The following TTC7B variants were observed in gnomAD, a reference collection of about 807,000 sequenced individuals.
TTC7B encodes the protein tetratricopeptide repeat protein 7B.
A neutral mutation model predicts 106.8 loss-of-function variants in TTC7B; 28 were observed. The observed-to-expected ratio is 0.26, with a 90% confidence interval of 0.19 to 0.36. The LOEUF is 0.36. Ranked by LOEUF, TTC7B falls within the 10% of genes least tolerant of loss-of-function variation. TTC7B has a pLI of 1.00. For missense variants in TTC7B, 862 were observed against 1,076.4 expected (o/e 0.80, Z 2.79); for synonymous variants, 405 against 430.6 (o/e 0.94, Z 0.74).
At chr14:90,728,370 A>G (rs1416374499) in intron 5 of TTC7B, among the ~76,000 whole-genome samples, 1 of 138,638 alleles carries the variant, frequency 7.2e-6, no homozygotes. Flanking sequence ...AAAAAGAATG[A>G]GAGTACCTGG....
intron 7 of TTC7B, among the ~76,000 whole-genome samples, chr14:90,688,694 G>A (rs957951056): frequency 2.7e-5 from 4 of 149,858 alleles, no homozygotes; most frequent in African/African-American, 9.9e-5. Flanking sequence ...TGTAATCTCA[G>A]CTACTTGGGA....
chr14:90,618,181 A>G, intron 15 of TTC7B, 136 bp from the exon 16 acceptor site: 1 of 622,744 alleles, frequency 1.6e-6, no homozygotes, highest in Admixed American at 2.9e-5. Context: ...TGTGTGGTCC[A>G]AGGAAAGCGG....
chr14:90,810,723 T>G lies in TTC7B; in HGVS notation c.121+5452A>C, dbSNP rs140034989. Among the ~76,000 whole-genome samples, 162 of 152,328 alleles carry G rather than the reference T, an allele frequency of 1.1e-3. 1 individual carries two copies. Among genetic ancestry groups the G allele is most frequent in the African/African-American group, 3.6e-3 (148 of 41,584 alleles). ...TTGAAAACTGCTACACAGCATAATC[T>G]GTAAGGTCTTCTCTGGTTCTAACAT... On this transcript the variant is annotated intron_variant, in intron 1 of 19. Coordinates refer to ENST00000328459, the MANE Select transcript of TTC7B (RefSeq NM_001010854.2).
At chr14:90,790,808 T>C (rs1891561466) in intron 1 of TTC7B, among the ~76,000 whole-genome samples, 1 of 152,076 alleles carries the variant, frequency 6.6e-6, no homozygotes, top group Non-Finnish European at 1.5e-5. Context: ...GAAAACTCTA[T>C]GGCCCAGAGT....
intron 3 of TTC7B, among the ~76,000 whole-genome samples, chr14:90,764,796 A>T (rs1471467657): frequency 2.0e-5 from 3 of 152,226 alleles, no homozygotes; most frequent in Admixed American, 2.0e-4. Flanking sequence ...CTATAATCAA[A>T]AAGACAGATA....
At chr14:90,732,392 A>T (rs182188261) in intron 4 of TTC7B, among the ~76,000 whole-genome samples, 178 of 152,160 alleles carry the variant, frequency 1.2e-3, no homozygotes, top group African/African-American at 4.1e-3. Context: ...CTCACTCTCT[A>T]TAAGCAGCCT....
chr14:90,744,108 G>A lies in TTC7B; in HGVS notation c.576+684C>T, dbSNP rs1416809831. Among the ~76,000 whole-genome samples the A allele has an allele frequency of 2.6e-5, 4 of 152,286 alleles. No individual in the cohort carries two copies. The East Asian group carries it at 7.7e-4, about 29-fold the overall frequency. ...CCAGCACCTTTGCCATATCTGTCAA[G>A]GTAAGGCCTCCCAAGCCCCAGATGA... On this transcript the variant is annotated intron_variant, in intron 4 of 19. Coordinates refer to ENST00000328459, the MANE Select transcript of TTC7B (RefSeq NM_001010854.2).
chr14:90,799,533 G>T (rs1016234741), intron 1 of TTC7B, among the ~76,000 whole-genome samples: 1 of 152,178 alleles, frequency 6.6e-6, no homozygotes, highest in African/African-American at 2.4e-5. Flanking sequence ...AGACTCAAGG[G>T]CAGGGCATCC....
At chr14:90,726,568 C>T (rs1889111294) in intron 5 of TTC7B, among the ~76,000 whole-genome samples, 1 of 152,176 alleles carries the variant, frequency 6.6e-6, no homozygotes, top group African/African-American at 2.4e-5. Context: ...TGCCTGACAC[C>T]CCACCAGGTG....
At chr14:90,564,099 G>A (rs532595128) in intron 19 of TTC7B, among the ~76,000 whole-genome samples, 125 of 151,546 alleles carry the variant, frequency 8.2e-4, no homozygotes, top group Non-Finnish European at 1.5e-3. Context: ...CTTTCTAGAA[G>A]GTTTTCAGTT....
chr14:90,731,398 AC>A (rs1889323141), intron 4 of TTC7B, among the ~76,000 whole-genome samples: 1 of 152,158 alleles, frequency 6.6e-6, no homozygotes, highest in South Asian at 2.1e-4. Context: ...TGTTTGCCAA[AC>A]CCCAAACATC....
At chr14:90,696,527 G>A (rs76001925) in intron 5 of TTC7B, among the ~76,000 whole-genome samples, 28,714 of 152,124 alleles carry the variant, frequency 0.19, 2,866 homozygotes, top group East Asian at 0.3. Context: ...AGATGCTCTA[G>A]GTATTTGGCT....
chr14:90,786,661 C>T (rs992680306), intron 1 of TTC7B, among the ~76,000 whole-genome samples: 3 of 152,168 alleles, frequency 2.0e-5, no homozygotes, highest in African/African-American at 7.2e-5. Flanking sequence ...CTCACCGCAA[C>T]CTCCACCTCC....
At chr14:90,680,198 A>G (rs1478529425) in intron 8 of TTC7B, among the ~76,000 whole-genome samples, 5 of 152,224 alleles carry the variant, frequency 3.3e-5, no homozygotes, top group Admixed American at 1.3e-4. Flanking sequence ...TTCAGCCAAT[A>G]CTGGGTGGAT....
chr14:90,708,145 C>CAAAAAA (rs56260414), intron 5 of TTC7B, among the ~76,000 whole-genome samples: 18 of 61,258 alleles, frequency 2.9e-4, no homozygotes, highest in South Asian at 6.7e-4. Flanking sequence ...GACTCCATCT[C>CAAAAAA]AAAAAAAAAA....
At chr14:90,809,255 AC>A (rs577647649) in intron 1 of TTC7B, among the ~76,000 whole-genome samples, 64 of 152,354 alleles carry the variant, frequency 4.2e-4, no homozygotes, top group African/African-American at 1.5e-3. Context: ...CATGGATGTC[AC>A]CCTTAAGCAA....
intron 1 of TTC7B, among the ~76,000 whole-genome samples, chr14:90,796,229 G>A (rs1472532440): frequency 6.6e-6 from 1 of 152,172 alleles, no homozygotes; most frequent in Non-Finnish European, 1.5e-5. Flanking sequence ...GGGGACAGGG[G>A]TAAAGAGGGA....
intron 1 of TTC7B, among the ~76,000 whole-genome samples, chr14:90,792,070 G>A (rs914311768): frequency 6.6e-5 from 10 of 152,128 alleles, no homozygotes; most frequent in African/African-American, 9.7e-5. Context: ...TGCAGAATCC[G>A]CAGACCCTGC....
At chr14:90,643,985 CA>C (rs1885309325) in intron 15 of TTC7B, 62 bp downstream of exon 15, 2 of 1,588,452 alleles carry the variant, frequency 1.3e-6, no homozygotes, top group African/African-American at 1.3e-5. Context: ...GGAAAGAAGG[CA>C]GGGGAAGAAG....
Sources: gnomAD v4.1 joint callset for allele counts (sites outside exome capture counted in the v4.1 genomes callset) on GRCh38, gnomAD v4.1.1 for gene constraint, MANE v1.5 for transcripts, NCBI Gene and HGNC (gene_info 2026-07-23, HGNC 2026-07-21) for gene names.